The following ANKRD27 variants were observed in gnomAD, a reference collection of about 807,000 sequenced individuals.
ANKRD27 encodes the protein ankyrin repeat domain 27.
ANKRD27 carries 112 observed loss-of-function variants against 129.7 expected under a neutral mutation model. That is an observed-to-expected ratio of 0.86 (90% CI 0.74 to 1.01). The LOEUF (loss-of-function observed/expected upper bound fraction) is 1.01, where lower values mean the gene tolerates loss of function less well. Among genes scored for constraint, ANKRD27 ranks in the 50% least tolerant of loss-of-function variants. ANKRD27 has a pLI of 0.00. For synonymous variants in ANKRD27, 516 were observed against 511.2 expected, an observed-to-expected ratio of 1.01 and a Z score of -0.13; for missense variants, 1,258 against 1,300.5, an observed-to-expected ratio of 0.97 and a Z score of 0.50.
chr19:32,656,327 G>A (rs1967536206), intron 2 of ANKRD27, among the ~76,000 whole-genome samples: 2 of 152,188 alleles, frequency 1.3e-5, no homozygotes, highest in East Asian at 1.9e-4. Context: ...AACGAAGACA[G>A]GAAGAGAGGA....
intron 15 of ANKRD27, 70 bp from the exon 16 acceptor site, chr19:32,626,897 C>T: frequency 9.4e-7 from 1 of 1,066,274 alleles, no homozygotes; most frequent in Non-Finnish European, 1.4e-6. Context: ...ACTGTAAAAC[C>T]ACAACACTAT....
rs2054078182 is a variant in ANKRD27, at chr19:32,622,544, G to A, written c.1705C>T (p.Leu569=). 1 of 1,614,014 alleles carries A rather than the reference G, an allele frequency of 6.2e-7. No individual in the cohort carries two copies. Among genetic ancestry groups the A allele is most frequent in the African/African-American group, 1.3e-5 (1 of 74,910 alleles). ...DIGNEKGDTP[L]HIAARWGYQG... Reference sequence around the variant, plus strand: ...TAGCCCCAGCGGGCAGCAATGTGTAGAGGGGTGTCTCCTTTCTCATTGCCA... The same window carrying A: ...TAGCCCCAGCGGGCAGCAATGTGTAAAGGGGTGTCTCCTTTCTCATTGCCA... Residue 569 remains leucine (L), a synonymous_variant, in exon 18 of 29, where the codon CTA becomes TTA. Coordinates refer to ENST00000306065, the MANE Select transcript of ANKRD27 (RefSeq NM_032139.3).
intron 16 of ANKRD27, among the ~76,000 whole-genome samples, 196 bp from the exon 17 acceptor site, chr19:32,626,162 C>T (rs1013536174): frequency 1.3e-5 from 2 of 152,092 alleles, no homozygotes; most frequent in African/African-American, 4.8e-5. Context: ...CTTTTCTTCC[C>T]CCATATGATC....
At position 32,600,077 on chromosome 19, in the gene ANKRD27, AAACTTC is replaced by A. The variant is rs766077204; in HGVS notation, c.2768-33_2768-28del. ...TGTAGATAAAAAGATAAACATCTAAAAACTTCAAAAACAGTTGTAAAGATTATTTTA... is the reference window on the plus strand; with the variant it reads ...TGTAGATAAAAAGATAAACATCTAAAAAAAACAGTTGTAAAGATTATTTTA... On this transcript the variant is annotated intron_variant, in intron 26 of 28. Coordinates refer to ENST00000306065, the MANE Select transcript of ANKRD27 (RefSeq NM_032139.3). 37 of 1,453,554 alleles carry A rather than the reference AAACTTC, an allele frequency of 2.5e-5. No individual in the cohort carries two copies. The African/African-American group carries it at 4.3e-4, about 17-fold the overall frequency. The allele number at this position is 1,453,554 out of a possible 1,614,324, so 90.0% of individuals were successfully genotyped here.
chr19:32,669,013 T>C (rs1028714709), intron 1 of ANKRD27, among the ~76,000 whole-genome samples: 5 of 152,136 alleles, frequency 3.3e-5, no homozygotes, highest in African/African-American at 1.2e-4. Flanking sequence ...TGTCTCGCTA[T>C]GTGGCCCAGG....
intron 4 of ANKRD27, among the ~76,000 whole-genome samples, chr19:32,645,514 G>T (rs941598458): frequency 5.3e-5 from 8 of 152,132 alleles, no homozygotes; most frequent in South Asian, 2.1e-4. Flanking sequence ...TCATGGCTCA[G>T]TGCAGCCTTG....
At chr19:32,652,045 C>T (rs940088963) in intron 2 of ANKRD27, among the ~76,000 whole-genome samples, 2 of 152,178 alleles carry the variant, frequency 1.3e-5, no homozygotes, top group African/African-American at 2.4e-5. Context: ...CTGCTGAGAC[C>T]GGGGAGGAGT....
In ANKRD27 at chr19:32,619,561, G is replaced by A; in HGVS notation, c.1828-8C>T. On this transcript the variant is annotated splice_polypyrimidine_tract_variant and splice_region_variant and intron_variant, in intron 18 of 28. Coordinates refer to ENST00000306065, the MANE Select transcript of ANKRD27 (RefSeq NM_032139.3). ...TTCCATTACAGACAGAATCTAGGGGGACAAGGGGGATGCCAACAGTACCCC... is the reference window on the plus strand; with the variant it reads ...TTCCATTACAGACAGAATCTAGGGGAACAAGGGGGATGCCAACAGTACCCC... 7 of 1,614,070 alleles carry A rather than the reference G, an allele frequency of 4.3e-6. No homozygotes were observed. The highest frequency in any genetic ancestry group is 5.9e-6 in the Non-Finnish European group (7 of 1,180,010).
chr19:32,616,548 CA>C (rs5827811), intron 21 of ANKRD27, among the ~76,000 whole-genome samples: 1,239 of 93,122 alleles, frequency 0.013, 2 homozygotes, highest in African/African-American at 0.031. Context: ...GACTCCGTCT[CA>C]AAAAAAAAAA....
Position 32,598,082 on chromosome 19 carries a change from G to C in ANKRD27, c.*63C>G, listed in dbSNP as rs17754651. ...ACATTTAGTTCTCAGATGTGTTCAC[G>C]CTCAGCATCATCTTGTTGCATCCTT... is the stretch of plus-strand genomic sequence containing the variant. On this transcript the variant is annotated 3_prime_UTR_variant, in exon 29 of 29. Transcript: ENST00000306065. The C allele has an allele frequency of 6.8e-7, 1 of 1,467,412 alleles. No individual in the cohort carries two copies. The highest frequency in any genetic ancestry group is 1.4e-5 in the African/African-American group (1 of 72,198). 90.9% of individuals were successfully genotyped at this position (1,467,412 alleles called of 1,614,324 possible).
At chr19:32,632,653 G>A (rs866775539) in intron 12 of ANKRD27, among the ~76,000 whole-genome samples, 14 of 150,124 alleles carry the variant, frequency 9.3e-5, no homozygotes, top group African/African-American at 7.4e-5. Context: ...ATCATTTCTC[G>A]CAAGACAGTT....
intron 17 of ANKRD27, among the ~76,000 whole-genome samples, chr19:32,625,267 ATAAG>A (rs1397108505): frequency 6.6e-6 from 1 of 152,184 alleles, no homozygotes; most frequent in East Asian, 1.9e-4. Flanking sequence ...AAAATAAATA[ATAAG>A]TAAATAATAA....
At chr19:32,613,566 G>A (rs406470) in intron 22 of ANKRD27, among the ~76,000 whole-genome samples, 88,790 of 151,930 alleles carry the variant, frequency 0.58, 27,061 homozygotes, top group Non-Finnish European at 0.69. Context: ...ATTCCACAGT[G>A]AGTATATGCC....
At chr19:32,652,109 G>C (rs974954583) in intron 2 of ANKRD27, among the ~76,000 whole-genome samples, 1 of 152,192 alleles carries the variant, frequency 6.6e-6, no homozygotes, top group Admixed American at 6.5e-5. Context: ...CTATCCCTTA[G>C]GGGGCTTCAG....
At position 32,621,589 on chromosome 19, in the gene ANKRD27, C is replaced by T. The variant is rs537493681; in HGVS notation, c.1827+833G>A. On this transcript the variant is annotated intron_variant, in intron 18 of 28. Transcript: ENST00000306065. ...GTTGCAGTGAGCCAAGATTGTGCCA[C>T]TGCACTCCAGCCTGGGCAACAGAGC... Among the ~76,000 whole-genome samples the T allele has an allele frequency of 2.6e-5, 4 of 152,212 alleles. No individual in the cohort carries two copies. The South Asian group carries it at 6.2e-4, about 24-fold the overall frequency.
At chr19:32,652,800 C>T (rs943680966) in intron 2 of ANKRD27, among the ~76,000 whole-genome samples, 4 of 151,868 alleles carry the variant, frequency 2.6e-5, no homozygotes, top group African/African-American at 9.7e-5. Flanking sequence ...TGGTGGTGCA[C>T]GCCTGTAGTC....
chr19:32,617,545 T>G (rs1282686556), intron 21 of ANKRD27, 44 bp downstream of exon 21: 5 of 731,962 alleles, frequency 6.8e-6, no homozygotes, highest in Non-Finnish European at 2.5e-6. Context: ...AGACCCTGTC[T>G]CTAAAAAATA....
intron 24 of ANKRD27, among the ~76,000 whole-genome samples, chr19:32,605,578 G>T (rs112755572): frequency 6.6e-6 from 1 of 152,174 alleles, no homozygotes; most frequent in Non-Finnish European, 1.5e-5. Context: ...CACATTCCCG[G>T]TCGGTGAGGT....
intron 22 of ANKRD27, among the ~76,000 whole-genome samples, chr19:32,612,116 T>C (rs1971844217): frequency 6.6e-6 from 1 of 152,156 alleles, no homozygotes; most frequent in Admixed American, 6.6e-5. Context: ...TGCAATACCA[T>C]TTACAACTGC....
Sources: gnomAD v4.1 joint callset for allele counts (sites outside exome capture counted in the v4.1 genomes callset) on GRCh38, gnomAD v4.1.1 for gene constraint, MANE v1.5 for transcripts, NCBI Gene and HGNC (gene_info 2026-07-23, HGNC 2026-07-21) for gene names.